SLC4A4: variants seen among roughly 807,000 people sequenced by gnomAD.
SLC4A4 encodes the protein solute carrier family 4 member 4.
A neutral mutation model predicts 111.5 loss-of-function variants in SLC4A4; 27 were observed. The observed-to-expected ratio is 0.24, with a 90% confidence interval of 0.18 to 0.33. The LOEUF (loss-of-function observed/expected upper bound fraction) is 0.33. Ranked by LOEUF, SLC4A4 falls within the 10% of genes least tolerant of loss-of-function variation. The pLI is 1.00. For synonymous variants in SLC4A4, 443 were observed against 463.4 expected, an observed-to-expected ratio of 0.96 and a Z score of 0.57; for missense variants, 909 against 1,315.5, an observed-to-expected ratio of 0.69 and a Z score of 4.78.
At chr4:71,094,016 G>T (rs187064406) in intron 2 of SLC4A4, among the ~76,000 whole-genome samples, 1 of 149,272 alleles carries the variant, frequency 6.7e-6, no homozygotes, top group East Asian at 1.9e-4. Flanking sequence ...CAGCCAGACT[G>T]TTAAAAAAAA....
At chr4:71,138,764 C>T (rs951617449) in intron 2 of SLC4A4, among the ~76,000 whole-genome samples, 11 of 151,966 alleles carry the variant, frequency 7.2e-5, no homozygotes, top group African/African-American at 1.2e-4. Flanking sequence ...TGGCCGGGCG[C>T]GGTGGCTCAC....
chr4:71,106,856 T>C (rs1032216443), intron 2 of SLC4A4, among the ~76,000 whole-genome samples: 1 of 148,914 alleles, frequency 6.7e-6, no homozygotes, highest in Non-Finnish European at 1.5e-5. Flanking sequence ...CACACCAGCA[T>C]GGCACATGTA....
intron 24 of SLC4A4, among the ~76,000 whole-genome samples, chr4:71,566,631 CT>C (rs1737492117): frequency 1.3e-5 from 2 of 150,896 alleles, no homozygotes; most frequent in Admixed American, 6.6e-5. Context: ...GAGTAAGTGC[CT>C]CAAAAAAAAA....
At chr4:71,307,378 T>C (rs1382847279) in intron 3 of SLC4A4, among the ~76,000 whole-genome samples, 3 of 152,222 alleles carry the variant, frequency 2.0e-5, no homozygotes, top group Non-Finnish European at 4.4e-5. Context: ...GGTGAATCGC[T>C]GATGAGACCT....
chr4:71,491,032 G>A (rs1224729572), intron 15 of SLC4A4, among the ~76,000 whole-genome samples: 1 of 97,236 alleles, frequency 1.0e-5, no homozygotes, highest in Non-Finnish European at 3.2e-5. Context: ...TTAAAACTAT[G>A]ATTTTTATAG....
intron 20 of SLC4A4, among the ~76,000 whole-genome samples, chr4:71,553,114 A>G (rs1736178873): frequency 6.6e-6 from 1 of 151,936 alleles, no homozygotes; most frequent in South Asian, 2.1e-4. Flanking sequence ...GGCAAATTTC[A>G]AAAGACATAT....
intron 2 of SLC4A4, among the ~76,000 whole-genome samples, chr4:71,145,080 G>C (rs893666655): frequency 1.3e-5 from 2 of 152,132 alleles, no homozygotes; most frequent in Non-Finnish European, 2.9e-5. Context: ...TATTGGCTGT[G>C]CGTTTGTCAT....
At chr4:71,193,252 C>T (rs1156792810) in intron 1 of SLC4A4, among the ~76,000 whole-genome samples, 1 of 152,196 alleles carries the variant, frequency 6.6e-6, no homozygotes, top group Non-Finnish European at 1.5e-5. Context: ...CTCCGCCTCC[C>T]AGGTTCACGC....
intron 7 of SLC4A4, among the ~76,000 whole-genome samples, chr4:71,424,779 G>C (rs1722944041): frequency 6.6e-6 from 1 of 151,980 alleles, no homozygotes. Flanking sequence ...CTCATAGGTG[G>C]GAATTGAACA....
intron 12 of SLC4A4, 24 bp downstream of exon 12, chr4:71,453,693 A>G: frequency 2.5e-5 from 41 of 1,612,332 alleles, no homozygotes; most frequent in Non-Finnish European, 3.3e-5. Flanking sequence ...TGAGGAGGAC[A>G]CAAATAGTAC....
chr4:71,128,314 A>G (rs1348207692), intron 2 of SLC4A4, among the ~76,000 whole-genome samples: 1 of 152,116 alleles, frequency 6.6e-6, no homozygotes, highest in East Asian at 1.9e-4. Context: ...CGTGAGACCC[A>G]TTCACAATCA....
At chr4:71,487,862 T>C (rs1466487842) in intron 15 of SLC4A4, among the ~76,000 whole-genome samples, 8 of 151,626 alleles carry the variant, frequency 5.3e-5, no homozygotes, top group Non-Finnish European at 8.9e-5. Flanking sequence ...TTTTATATTC[T>C]GTGGCTCTCT....
At chr4:71,119,331 CTA>C (rs775591649) in intron 2 of SLC4A4, among the ~76,000 whole-genome samples, 58 of 152,154 alleles carry the variant, frequency 3.8e-4, no homozygotes, top group Non-Finnish European at 7.8e-4. Flanking sequence ...TCCTTTTTAT[CTA>C]TGAGTGCACT....
At chr4:71,289,873 T>A (rs946693220) in intron 3 of SLC4A4, among the ~76,000 whole-genome samples, 8 of 152,236 alleles carry the variant, frequency 5.3e-5, no homozygotes, top group African/African-American at 1.7e-4. Context: ...ATTGATTTGA[T>A]TCAAGGGAAC....
intron 2 of SLC4A4, among the ~76,000 whole-genome samples, chr4:71,141,170 C>T (rs1263447421): frequency 2.0e-5 from 3 of 152,178 alleles, no homozygotes; most frequent in Admixed American, 2.0e-4. Flanking sequence ...CCCATCCTCC[C>T]CATTCCCCAG....
At position 71,367,567 on chromosome 4, in the gene SLC4A4, T is replaced by C. The variant is rs185762410; in HGVS notation, c.730+10380T>C. Among the ~76,000 whole-genome samples, 37 of 152,316 alleles carry C rather than the reference T, an allele frequency of 2.4e-4. No homozygotes were observed. The East Asian group carries it at 6.2e-3, about 25-fold the overall frequency. ...AGGCAAAACTTGGCCAGTATGATAA[T>C]ATACATTTCTAAATGTCTCCCTCTT... On this transcript the variant is annotated intron_variant, in intron 6 of 25. Transcript: ENST00000264485.
At chr4:71,484,086 T>C (rs77847625) in intron 14 of SLC4A4, among the ~76,000 whole-genome samples, 1,797 of 152,110 alleles carry the variant, frequency 0.012, 39 homozygotes, top group African/African-American at 0.039. Flanking sequence ...CTTTGTCAGA[T>C]GCATAGTTTG....
Position 71,451,177 on chromosome 4 carries a change from G to T in SLC4A4, c.1209-11G>T, listed in dbSNP as rs755113691. The T allele has an allele frequency of 6.5e-6, 10 of 1,527,916 alleles. No homozygotes were observed. The South Asian group carries it at 1.0e-4, about 15-fold the overall frequency. 94.6% of individuals were successfully genotyped at this position (1,527,916 alleles called of 1,614,324 possible). On this transcript the variant is annotated splice_polypyrimidine_tract_variant and intron_variant, in intron 10 of 25. Transcript: ENST00000264485. ...AACTAATATACTCTTGGGCTCTGTT[G>T]TCTTGCTTAGAAAGAATATGTACTC...
chr4:71,126,817 C>T (rs774464215), intron 2 of SLC4A4, among the ~76,000 whole-genome samples: 4 of 152,158 alleles, frequency 2.6e-5, no homozygotes, highest in Non-Finnish European at 4.4e-5. Flanking sequence ...TCCATAATTT[C>T]AAACCTTGTT....
Sources: gnomAD v4.1 joint callset for allele counts (sites outside exome capture counted in the v4.1 genomes callset) on GRCh38, gnomAD v4.1.1 for gene constraint, MANE v1.5 for transcripts, NCBI Gene and HGNC (gene_info 2026-07-23, HGNC 2026-07-21) for gene names.